The following LRRC4C variants were observed in gnomAD, a reference collection of about 807,000 sequenced individuals.
The protein encoded by LRRC4C is leucine-rich repeat-containing protein 4C.
LRRC4C carries 5 observed loss-of-function variants against 33.6 expected under a neutral mutation model. That is an observed-to-expected ratio of 0.15 (90% CI 0.08 to 0.31). The LOEUF is 0.31. Among genes scored for constraint, LRRC4C ranks in the 10% least tolerant of loss-of-function variants. The probability of loss-of-function intolerance (pLI) is 1.00; values close to 1 mark genes in which losing one functional copy is unlikely to be tolerated. For synonymous variants in LRRC4C, 329 were observed against 302.0 expected (o/e 1.09, Z -0.93); for missense variants, 560 against 796.7 (o/e 0.70, Z 3.58).
At chr11:40,984,388 AAAGAAAGAAAG>A (rs1188975154) in intron 1 of LRRC4C, among the ~76,000 whole-genome samples, 3 of 81,916 alleles carry the variant, frequency 3.7e-5, no homozygotes, top group Non-Finnish European at 8.9e-5. Context: ...AGAAAGAAAG[AAAGAAAGAAAG>A]AAAGAAAGAA....
Position 40,549,856 on chromosome 11 carries a change from A to G in LRRC4C, c.-270+98286T>C, listed in dbSNP as rs189471057. 1.0e-3 allele frequency among the ~76,000 whole-genome samples: 159 copies of G among 152,258 alleles called. 1 individual carries two copies. Among genetic ancestry groups the G allele is most frequent in the Non-Finnish European group, 1.9e-4 (13 of 67,982 alleles). Reference sequence around the variant, plus strand: ...CTATTGCATTGTGCAATTGTAGGCTATAATTCATTAGGTGACACATGGATG... The same window carrying G: ...CTATTGCATTGTGCAATTGTAGGCTGTAATTCATTAGGTGACACATGGATG... On this transcript the variant is annotated intron_variant, in intron 3 of 6. Transcript: ENST00000528697.
At chr11:40,487,369 A>G (rs1953916474) in intron 3 of LRRC4C, among the ~76,000 whole-genome samples, 1 of 152,088 alleles carries the variant, frequency 6.6e-6, no homozygotes, top group African/African-American at 2.4e-5. Context: ...AGGTAGACCA[A>G]CTAATGCTCT....
intron 1 of LRRC4C, among the ~76,000 whole-genome samples, chr11:41,134,643 C>T (rs1002856264): frequency 6.6e-6 from 1 of 152,062 alleles, no homozygotes; most frequent in Non-Finnish European, 1.5e-5. Context: ...CAGAGCTATG[C>T]TCCTACCCAA....
At chr11:40,690,929 G>C (rs1945192832) in intron 2 of LRRC4C, among the ~76,000 whole-genome samples, 1 of 151,870 alleles carries the variant, frequency 6.6e-6, no homozygotes, top group African/African-American at 2.4e-5. Context: ...AAGTCAAATG[G>C]CTCCAGAGAC....
At chr11:40,121,260 T>C (rs1423721752) in intron 6 of LRRC4C, among the ~76,000 whole-genome samples, 1 of 152,198 alleles carries the variant, frequency 6.6e-6, no homozygotes, top group Non-Finnish European at 1.5e-5. Context: ...TTCTACTTCT[T>C]GCTTACTTCA....
At chr11:40,503,082 T>A (rs1209073245) in intron 3 of LRRC4C, among the ~76,000 whole-genome samples, 1 of 152,146 alleles carries the variant, frequency 6.6e-6, no homozygotes, top group Non-Finnish European at 1.5e-5. Flanking sequence ...GACACCATGC[T>A]GACTCGCAGC....
intron 3 of LRRC4C, among the ~76,000 whole-genome samples, chr11:40,365,085 CCAG>C (rs1205886022): frequency 1.3e-5 from 2 of 148,710 alleles, no homozygotes; most frequent in Admixed American, 6.8e-5. Flanking sequence ...GAAAATTTTA[CCAG>C]TAGAAAACTG....
At chr11:40,886,768 A>G (rs1192098324) in intron 2 of LRRC4C, among the ~76,000 whole-genome samples, 1 of 151,890 alleles carries the variant, frequency 6.6e-6, no homozygotes. Flanking sequence ...AAACTGTAAC[A>G]AAAGTCTACA....
At chr11:40,587,648 C>A (rs1162017409) in intron 3 of LRRC4C, among the ~76,000 whole-genome samples, 1 of 151,232 alleles carries the variant, frequency 6.6e-6, no homozygotes, top group Non-Finnish European at 1.5e-5. Flanking sequence ...GAAATACGTC[C>A]CATCAATACC....
At chr11:40,433,395 GATATAAT>G (rs1951014613) in intron 3 of LRRC4C, among the ~76,000 whole-genome samples, 1 of 149,706 alleles carries the variant, frequency 6.7e-6, no homozygotes, top group South Asian at 2.1e-4. Context: ...ATGAGTTACT[GATATAAT>G]ATATGGGATG....
intron 4 of LRRC4C, among the ~76,000 whole-genome samples, chr11:40,298,046 A>C (rs528335733): frequency 6.6e-6 from 1 of 152,352 alleles, no homozygotes; most frequent in South Asian, 2.1e-4. Flanking sequence ...TTGAGTGAAT[A>C]AACGTCTAAG....
At chr11:40,912,830 C>G (rs1020413337) in intron 2 of LRRC4C, among the ~76,000 whole-genome samples, 1 of 151,706 alleles carries the variant, frequency 6.6e-6, no homozygotes, top group Non-Finnish European at 1.5e-5. Context: ...CACATAGGCT[C>G]AAAATAAAGG....
intron 1 of LRRC4C, among the ~76,000 whole-genome samples, chr11:41,089,289 G>A (rs1249184652): frequency 6.6e-6 from 1 of 151,816 alleles, no homozygotes; most frequent in South Asian, 2.1e-4. Context: ...CTTCCCAGTG[G>A]CCACTTGATC....
At chr11:40,310,101 C>G (rs943558540) in intron 4 of LRRC4C, among the ~76,000 whole-genome samples, 1 of 151,898 alleles carries the variant, frequency 6.6e-6, no homozygotes, top group Non-Finnish European at 1.5e-5. Flanking sequence ...TCCAATCATC[C>G]CCCCACTTCT....
intron 4 of LRRC4C, among the ~76,000 whole-genome samples, chr11:40,313,592 G>A (rs562110305): frequency 6.9e-6 from 1 of 145,206 alleles, no homozygotes; most frequent in East Asian, 2.0e-4. Flanking sequence ...TGCTAGGAGG[G>A]GAAATTCTTT....
rs372657114 is a variant in LRRC4C at position 40,221,943 on chromosome 11, C to T, written c.-96+19576G>A. The stretch of plus-strand genomic sequence containing the variant: ...GAGACAGGAGTCTCGTCGATGCCCT[C>T]GGCTGAATAAATTCCTTCCTTCTTT... On this transcript the variant is annotated intron_variant, in intron 5 of 6. Transcript: ENST00000528697. Among the ~76,000 whole-genome samples the T allele has an allele frequency of 5.3e-5, 8 of 152,238 alleles. No homozygotes were observed. The South Asian group carries it at 8.3e-4, about 16-fold the overall frequency.
intron 3 of LRRC4C, among the ~76,000 whole-genome samples, chr11:40,574,630 CCCTTTA>C (rs1369892522): frequency 2.6e-5 from 4 of 152,148 alleles, no homozygotes; most frequent in African/African-American, 9.7e-5. Flanking sequence ...TGACAAATGT[CCCTTTA>C]TATAAGTCTC....
rs531244045 is a variant in LRRC4C at position 41,350,295 on chromosome 11, G to A, written c.-496+109136C>T. On this transcript the variant is annotated intron_variant, in intron 1 of 6. Coordinates refer to ENST00000528697, the MANE Select transcript of LRRC4C (RefSeq NM_001258419.2). ...GGAGGCCGAGGTGGGCGGATCATGA[G>A]GTCAGGAGATCGAGACCATCCTGGC... Among the ~76,000 whole-genome samples, 10 of 152,176 alleles carry A rather than the reference G, an allele frequency of 6.6e-5. 1 individual carries two copies. The South Asian group carries it at 2.1e-3, about 32-fold the overall frequency.
intron 3 of LRRC4C, among the ~76,000 whole-genome samples, chr11:40,358,307 C>G (rs773400543): frequency 6.6e-6 from 1 of 152,146 alleles, no homozygotes; most frequent in Non-Finnish European, 1.5e-5. Context: ...GGGTCTCACT[C>G]TGTCACTCTG....
Sources: allele counts gnomAD v4.1 joint callset (sites outside exome capture counted in the v4.1 genomes callset), GRCh38; gene constraint gnomAD v4.1.1; transcripts MANE v1.5; gene names NCBI Gene and HGNC (gene_info 2026-07-23, HGNC 2026-07-21).